The following ZNF512 variants were observed in gnomAD, a reference collection of about 807,000 sequenced individuals.
The protein encoded by ZNF512 is zinc finger protein 512.
In ZNF512, 25 loss-of-function variants were observed where a neutral mutation model predicts 77.5. The observed-to-expected ratio is 0.32, with a 90% CI of 0.23 to 0.45. The LOEUF (loss-of-function observed/expected upper bound fraction) is 0.45. ZNF512 is among the 20% of genes least tolerant of loss of function. The probability of loss-of-function intolerance (pLI) is 1.00; values close to 1 mark genes in which losing one functional copy is unlikely to be tolerated. For synonymous variants in ZNF512, 246 were observed against 239.9 expected (o/e 1.03, Z -0.24); for missense variants, 483 against 692.6 (o/e 0.70, Z 3.40).
rs1275980196 is a variant in ZNF512 at position 27,591,214 on chromosome 2, A to AT, written c.90-6846dup. ...ACCACACCTGGATAATTGCTTTAAA[A>AT]TTTTTTTATTTTTATTTTTGTGGGT... On this transcript the variant is annotated intron_variant, in intron 2 of 13. Coordinates refer to ENST00000355467, the MANE Select transcript of ZNF512 (RefSeq NM_032434.4). 2.0e-5 allele frequency among the ~76,000 whole-genome samples: 3 copies of AT among 151,686 alleles called. No homozygotes were observed. In the East Asian group the frequency reaches 5.8e-4, roughly 29 times the overall value.
chr2:27,614,380 G>T (rs1396839013), intron 10 of ZNF512, among the ~76,000 whole-genome samples: 1 of 152,078 alleles, frequency 6.6e-6, no homozygotes, highest in Non-Finnish European at 1.5e-5. Context: ...AGTATAAGCA[G>T]ATATTATGTA....
intron 2 of ZNF512, among the ~76,000 whole-genome samples, chr2:27,590,491 T>A (rs1671525080): frequency 6.6e-6 from 1 of 152,242 alleles, no homozygotes; most frequent in Non-Finnish European, 1.5e-5. Flanking sequence ...GTATCACTTT[T>A]TATTTTACTC....
intron 5 of ZNF512, among the ~76,000 whole-genome samples, chr2:27,600,414 T>G (rs1204660008): frequency 3.3e-5 from 5 of 152,184 alleles, no homozygotes. Flanking sequence ...TTACATCCTG[T>G]GGTGAAAAAT....
At chr2:27,602,430 A>G (rs1672158408) in intron 7 of ZNF512, 33 bp from the exon 8 acceptor site, 2 of 1,594,962 alleles carry the variant, frequency 1.3e-6, no homozygotes, top group East Asian at 2.2e-5. Context: ...TTTTCCATGA[A>G]TCATCTTCTT....
At chr2:27,593,508 T>C (rs1373338753) in intron 2 of ZNF512, among the ~76,000 whole-genome samples, 1 of 152,070 alleles carries the variant, frequency 6.6e-6, no homozygotes, top group Non-Finnish European at 1.5e-5. Flanking sequence ...TGGTTCCAGC[T>C]ACTCGGGTAT....
chr2:27,593,782 C>CT (rs768572545), intron 2 of ZNF512, among the ~76,000 whole-genome samples: 4,700 of 134,448 alleles, frequency 0.035, 233 homozygotes, highest in African/African-American at 0.11. Context: ...TTCTTTCTTT[C>CT]TTTTTTTTTT....
chr2:27,600,931 G>T, intron 6 of ZNF512, 116 bp downstream of exon 6: 1 of 1,307,530 alleles, frequency 7.6e-7, no homozygotes, highest in Non-Finnish European at 1.0e-6. Flanking sequence ...GTATAATAAA[G>T]GAAACATAGG....
rs1321702556 is a variant in ZNF512, at chr2:27,622,839, T to C, written c.*1378T>C. On this transcript the variant is annotated 3_prime_UTR_variant, in exon 14 of 14. Coordinates refer to ENST00000355467, the MANE Select transcript of ZNF512 (RefSeq NM_032434.4). ...TGTGCTCCTCCAAATAGCTTTAAAA[T>C]GTGGGCTTTTGTGAAGACCACTTTC... is the stretch of plus-strand genomic sequence containing the variant. 6.5e-6 allele frequency: 1 copy of C among 152,846 alleles called. No homozygotes were observed. Among genetic ancestry groups the C allele is most frequent in the Non-Finnish European group, 1.5e-5 (1 of 68,054 alleles). The allele number at this position is 152,846 out of a possible 1,614,324, so 9.5% of individuals were successfully genotyped here.
rs777242489 is a variant in ZNF512 at position 27,621,333 on chromosome 2, G to A, written c.1576G>A (p.Asp526Asn). ...ETELSLRVGK[D>N]QRRNNEELVV... ...AGAGCTGAGTCTTAGAGTAGGGAAG[G>A]ATCAGAGGAGGAATAATGAGGAACT... Residue 526 changes from aspartate to asparagine, a missense_variant, in exon 14 of 14, where the codon GAT (aspartate) becomes AAT (asparagine). Asp to Asn is a conservative substitution (Grantham distance 23). Transcript: ENST00000355467. The A allele has an allele frequency of 1.2e-6, 2 of 1,614,168 alleles. No homozygotes were observed. The highest frequency in any genetic ancestry group is 4.5e-5 in the East Asian group (2 of 44,886).
rs558192334 is a variant in ZNF512, at chr2:27,619,429, A to G, written c.1396-1724A>G. 3.1e-4 allele frequency among the ~76,000 whole-genome samples: 47 copies of G among 152,336 alleles called. 2 individuals carry two copies. In the South Asian group the frequency reaches 9.3e-3, roughly 30 times the overall value. On this transcript the variant is annotated intron_variant, in intron 13 of 13. Transcript: ENST00000355467. ...AAAAAAAGGTAATTATCTCCTGACA[A>G]AATCTGGCCTTTATATAGTTAAATG...
intron 10 of ZNF512, among the ~76,000 whole-genome samples, chr2:27,609,347 A>G (rs1015052252): frequency 4.6e-5 from 7 of 152,176 alleles, no homozygotes; most frequent in Non-Finnish European, 7.4e-5. Flanking sequence ...TCTAAATCCA[A>G]TTTAAATGTG....
In ZNF512 at chr2:27,621,415, A is replaced by T. The variant is rs1032813047; in HGVS notation, c.1658A>T (p.Gln553Leu). The change falls in exon 14 of 14, where the codon CAG becomes CTG. Residue 553 changes from glutamine to leucine, a missense_variant. Coordinates refer to ENST00000355467, the MANE Select transcript of ZNF512 (RefSeq NM_032434.4). ...CAGGAGCCAGTGCCAGCACAGTTCC[A>T]GAAAGTAAAGCCCCCAAAGACTAAT... ...PEQEPVPAQF[Q>L]KVKPPKTNHK... The T allele has an allele frequency of 1.2e-6, 2 of 1,613,686 alleles. No homozygotes were observed. Among genetic ancestry groups the T allele is most frequent in the Non-Finnish European group, 1.7e-6 (2 of 1,180,012 alleles).
At position 27,593,495 on chromosome 2, in the gene ZNF512, C is replaced by G. The variant is rs137859929; in HGVS notation, c.90-4572C>G. The stretch of plus-strand genomic sequence containing the variant: ...ATTTAGTGGGTATGATGGTGTGCAC[C>G]TGTGGTTCCAGCTACTCGGGTATGG... On this transcript the variant is annotated intron_variant, in intron 2 of 13. Coordinates refer to ENST00000355467, the MANE Select transcript of ZNF512 (RefSeq NM_032434.4). Among the ~76,000 whole-genome samples the G allele has an allele frequency of 5.8e-4, 88 of 152,046 alleles. No individual in the cohort carries two copies. The East Asian group carries it at 8.1e-3, about 14-fold the overall frequency.
At chr2:27,610,578 T>TTTA in intron 10 of ZNF512, among the ~76,000 whole-genome samples, 1 of 43,240 alleles carries the variant, frequency 2.3e-5, no homozygotes, top group Non-Finnish European at 4.3e-5. Context: ...ATTTTTTTTT[T>TTTA]TTTTTTTTTT....
intron 2 of ZNF512, among the ~76,000 whole-genome samples, chr2:27,591,741 C>A (rs1349000168): frequency 6.6e-6 from 1 of 152,194 alleles, no homozygotes; most frequent in Non-Finnish European, 1.5e-5. Context: ...CAAGGTCTTG[C>A]TATGTTGCCC....
chr2:27,588,288 C>T (rs1354049648), intron 2 of ZNF512, among the ~76,000 whole-genome samples: 3 of 152,006 alleles, frequency 2.0e-5, no homozygotes, highest in African/African-American at 7.2e-5. Context: ...GGTGCCACTG[C>T]ACTCCAGCCT....
rs983360006 is a variant in ZNF512 at position 27,595,115 on chromosome 2, G to A, written c.90-2952G>A. On this transcript the variant is annotated intron_variant, in intron 2 of 13. Transcript: ENST00000355467. ...GTATGGTCCAGCCTTGGCAACAGAG[G>A]GAGACCGAAGAAGGGAGAGGGAGGA... 6.6e-5 allele frequency among the ~76,000 whole-genome samples: 10 copies of A among 152,110 alleles called. No homozygotes were observed. In the South Asian group the frequency reaches 2.1e-3, roughly 32 times the overall value.
chr2:27,610,373 A>T (rs1283243292), intron 10 of ZNF512, among the ~76,000 whole-genome samples: 2 of 147,824 alleles, frequency 1.4e-5, no homozygotes, highest in African/African-American at 2.5e-5. Flanking sequence ...CAAAAAAAAA[A>T]AAAATAAATA....
At chr2:27,610,534 A>G (rs1285314831) in intron 10 of ZNF512, among the ~76,000 whole-genome samples, 3 of 80,712 alleles carry the variant, frequency 3.7e-5, no homozygotes, top group African/African-American at 1.3e-4. Context: ...GTGTGTATAT[A>G]TATGTGTGTG....
Sources: allele counts gnomAD v4.1 joint callset (sites outside exome capture counted in the v4.1 genomes callset), GRCh38; gene constraint gnomAD v4.1.1; transcripts MANE v1.5; gene names NCBI Gene and HGNC (gene_info 2026-07-23, HGNC 2026-07-21).